The following PAK3 variants were observed in gnomAD, a reference collection of about 807,000 sequenced individuals.
The protein encoded by PAK3 is serine/threonine-protein kinase PAK 3.
Under a neutral mutation model 41.0 loss-of-function variants are expected in PAK3, and 4 were observed. The observed-to-expected ratio is 0.10, with a 90% CI of 0.05 to 0.22. The LOEUF (loss-of-function observed/expected upper bound fraction) is 0.22. Ranked by LOEUF, PAK3 falls within the 10% of genes least tolerant of loss-of-function variation. PAK3 has a pLI of 1.00. For missense variants in PAK3, 205 were observed against 409.9 expected (o/e 0.50, Z 4.32); for synonymous variants, 146 against 139.6 (o/e 1.05, Z -0.32).
At chrX:111,161,719 A>G (rs1446805740) in intron 8 of PAK3, among the ~76,000 whole-genome samples, 1 of 107,164 alleles carries the variant, frequency 9.3e-6, no homozygotes, top group African/African-American at 3.8e-5. Context: ...TTTATTAAAT[A>G]GGGAATCCTT....
chrX:111,135,385 C>A (rs1325908359), intron 5 of PAK3, among the ~76,000 whole-genome samples: 1 of 110,795 alleles, frequency 9.0e-6, no homozygotes, highest in Non-Finnish European at 1.9e-5. Flanking sequence ...TGTGAGGCAC[C>A]TAAATAGAGG....
At position 111,114,234 on chromosome X, in the gene PAK3, G is replaced by A. The variant is rs950110145; in HGVS notation, c.-27-8843G>A. Among the ~76,000 whole-genome samples, 3 of 112,013 alleles carry A rather than the reference G, an allele frequency of 2.7e-5. No individual in the cohort carries two copies. In the Admixed American group the frequency reaches 2.8e-4, roughly 11 times the overall value. On this transcript the variant is annotated intron_variant, in intron 4 of 17. Coordinates refer to ENST00000372007, the MANE Select transcript of PAK3 (RefSeq NM_002578.5). ...GACATACATTTTACATATAATGTGT[G>A]GCCAGGAATGAAACCCACTGCTGGA...
chrX:111,117,349 G>A (rs1603257834), intron 4 of PAK3, among the ~76,000 whole-genome samples: 1 of 111,589 alleles, frequency 9.0e-6, no homozygotes, highest in East Asian at 2.8e-4. Flanking sequence ...CTGAGGGATT[G>A]GATACTATTC....
intron 6 of PAK3, among the ~76,000 whole-genome samples, chrX:111,145,630 G>A (rs1349963069): frequency 9.0e-6 from 1 of 111,706 alleles, no homozygotes; most frequent in East Asian, 2.8e-4. Context: ...CGTGAAAAAT[G>A]CATGTAAAAG....
chrX:111,054,963 A>C (rs1417383545), intron 1 of PAK3, among the ~76,000 whole-genome samples: 1 of 112,205 alleles, frequency 8.9e-6, no homozygotes, highest in Non-Finnish European at 1.9e-5. Flanking sequence ...TATCAAATAT[A>C]GGAAAGGTCC....
At position 110,989,902 on chromosome X, in the gene PAK3, A is replaced by G. The variant is rs138720869; in HGVS notation, c.-28+45274A>G. ...TAACAGACGCATCACCACCCATCTG[A>G]TAATCCCCAGGCACTTCTCACCAGA... is the stretch of plus-strand genomic sequence containing the variant. On this transcript the variant is annotated intron_variant, in intron 1 of 14. Transcript: ENST00000425146. Among the ~76,000 whole-genome samples the G allele has an allele frequency of 6.7e-3, 755 of 111,918 alleles. 5 individuals carry two copies. The highest frequency in any genetic ancestry group is 0.023 in the African/African-American group (694 of 30,788).
rs2091937794 is a variant in PAK3, at chrX:111,006,849, C to CTTTTCT, written c.-28+62225_-28+62226insCTTTTT. ...TCTTTCTTTCTTTCTTTCTTTCTTTCTTTTTTTTTTTTTTTGATAAGTTTT... is the reference window on the plus strand; with the variant it reads ...TCTTTCTTTCTTTCTTTCTTTCTTTCTTTTCTTTTTTTTTTTTTTTTGATAAGTTTT... On this transcript the variant is annotated intron_variant, in intron 1 of 14. Coordinates refer to the PAK3 transcript ENST00000425146. Among the ~76,000 whole-genome samples, 2 of 42,726 alleles carry CTTTTCT rather than the reference C, an allele frequency of 4.7e-5. 1 individual carries two copies. The highest frequency in any genetic ancestry group is 7.7e-4 in the Admixed American group (2 of 2,604). The allele number at this position is 42,726 out of a possible 115,157, so 37.1% of individuals were successfully genotyped here.
At chrX:111,057,039 A>T (rs765817998) in intron 1 of PAK3, among the ~76,000 whole-genome samples, 1 of 111,979 alleles carries the variant, frequency 8.9e-6, no homozygotes, top group Non-Finnish European at 1.9e-5. Context: ...TATTTTGAAA[A>T]ATTTCAAACA....
At chrX:111,085,700 G>A (rs1008291841) in intron 1 of PAK3, among the ~76,000 whole-genome samples, 3 of 111,635 alleles carry the variant, frequency 2.7e-5, no homozygotes, top group African/African-American at 6.5e-5. Flanking sequence ...CTCCCCAGAC[G>A]CCTGCAGTGG....
chrX:111,100,911 C>T (rs780233246), intron 3 of PAK3, among the ~76,000 whole-genome samples: 17 of 111,481 alleles, frequency 1.5e-4, no homozygotes, highest in East Asian at 5.7e-4. Context: ...TACAACAAGG[C>T]GGTATAGGCA....
chrX:111,097,361 T>TG (rs1190787088), intron 1 of PAK3, 29 bp from the exon 2 acceptor site: 3 of 106,641 alleles, frequency 2.8e-5, no homozygotes, highest in Admixed American at 1.0e-4. Context: ...CCACTTGTTT[T>TG]TTTTTTTTTT....
chrX:111,089,240 ACT>A (rs910462988), intron 1 of PAK3, among the ~76,000 whole-genome samples: 1 of 111,821 alleles, frequency 8.9e-6, no homozygotes, highest in African/African-American at 3.3e-5. Flanking sequence ...GATAATGGGA[ACT>A]CTCTGTACTA....
intron 6 of PAK3, among the ~76,000 whole-genome samples, chrX:111,145,228 T>A (rs1368551071): frequency 8.9e-6 from 1 of 112,178 alleles, no homozygotes; most frequent in Admixed American, 9.4e-5. Flanking sequence ...ATTGGATTTG[T>A]CTCAACTTAG....
At chrX:111,088,287 C>G (rs2092904691) in intron 1 of PAK3, among the ~76,000 whole-genome samples, 1 of 111,657 alleles carries the variant, frequency 9.0e-6, no homozygotes, top group Non-Finnish European at 1.9e-5. Context: ...GATGAGGAAA[C>G]TGAGGTTCAG....
At chrX:111,073,559 T>G (rs1253917349) in intron 1 of PAK3, among the ~76,000 whole-genome samples, 1 of 111,599 alleles carries the variant, frequency 9.0e-6, no homozygotes, top group East Asian at 2.8e-4. Flanking sequence ...AAACAAATGA[T>G]CATAAGAATC....
At chrX:110,970,399 A>G (rs2091181328) in intron 1 of PAK3, among the ~76,000 whole-genome samples, 1 of 112,240 alleles carries the variant, frequency 8.9e-6, no homozygotes, top group East Asian at 2.8e-4. Context: ...GGCTGAACAG[A>G]AGCTCTTTAG....
In PAK3 at chrX:111,072,513, G is replaced by T. The variant is rs191544194; in HGVS notation, c.-27-50564G>T. ...CTAGAGTTTGTAATTATTAATGGTG[G>T]ACTGAAACTTGTATCTGATCACATG... On this transcript the variant is annotated intron_variant, in intron 1 of 14. Transcript: ENST00000425146. Among the ~76,000 whole-genome samples the T allele has an allele frequency of 3.3e-4, 37 of 112,520 alleles. No homozygotes were observed. In the East Asian group the frequency reaches 9.4e-3, roughly 29 times the overall value.
intron 10 of PAK3, among the ~76,000 whole-genome samples, chrX:111,169,735 G>T (rs1275532555): frequency 2.7e-5 from 3 of 111,648 alleles, no homozygotes; most frequent in Non-Finnish European, 3.8e-5. Flanking sequence ...CTTTAATAAA[G>T]AATTGGTGGT....
chrX:110,952,693 A>G (rs1282461430), intron 1 of PAK3, among the ~76,000 whole-genome samples: 2 of 111,421 alleles, frequency 1.8e-5, no homozygotes, highest in Non-Finnish European at 1.9e-5. Context: ...TACTTGAACT[A>G]TTGACAATTA....
Sources: allele counts gnomAD v4.1 joint callset (sites outside exome capture counted in the v4.1 genomes callset), GRCh38; gene constraint gnomAD v4.1.1; transcripts MANE v1.5; gene names NCBI Gene and HGNC (gene_info 2026-07-23, HGNC 2026-07-21).